Variants in NKAIN3 observed in about 807,000 individuals in gnomAD.
NKAIN3 encodes the protein sodium/potassium transporting ATPase interacting 3.
NKAIN3 carries 25 observed loss-of-function variants against 30.2 expected under a neutral mutation model. That is an observed-to-expected ratio of 0.83 (90% confidence interval 0.60 to 1.16). NKAIN3 has a LOEUF of 1.16. Among genes scored for constraint, NKAIN3 ranks in the 50% most tolerant of loss-of-function variants. NKAIN3 has a pLI of 0.00. For synonymous variants in NKAIN3, 91 were observed against 89.6 expected (o/e 1.02, Z -0.09); for missense variants, 225 against 254.1 (o/e 0.89, Z 0.78).
chr8:62,748,857 T>C (rs1816173656), intron 4 of NKAIN3, among the ~76,000 whole-genome samples: 1 of 152,194 alleles, frequency 6.6e-6, no homozygotes. Flanking sequence ...ATAAATATAA[T>C]ATACAGTCAC....
intron 3 of NKAIN3, among the ~76,000 whole-genome samples, chr8:62,630,481 T>C (rs1481578629): frequency 6.6e-6 from 1 of 152,068 alleles, no homozygotes; most frequent in East Asian, 1.9e-4. Flanking sequence ...AAGCTTTGGT[T>C]CTTAAAGGCT....
intron 3 of NKAIN3, among the ~76,000 whole-genome samples, chr8:62,730,096 C>T (rs1023370494): frequency 1.3e-5 from 2 of 151,930 alleles, no homozygotes; most frequent in African/African-American, 2.4e-5. Context: ...TATAAGGGAC[C>T]GACTTTGTAC....
intron 1 of NKAIN3, among the ~76,000 whole-genome samples, chr8:62,330,508 TTTTAA>T (rs1815308180): frequency 6.6e-6 from 1 of 151,986 alleles, no homozygotes; most frequent in Non-Finnish European, 1.5e-5. Flanking sequence ...CATTTTTGTC[TTTTAA>T]TTTACCCCAC....
intron 4 of NKAIN3, among the ~76,000 whole-genome samples, chr8:62,836,204 A>G (rs1448491592): frequency 3.9e-5 from 6 of 152,016 alleles, no homozygotes; most frequent in Non-Finnish European, 7.4e-5. Context: ...AAGAGCTGAA[A>G]ATCTACCTAT....
At chr8:62,509,086 G>A (rs1807735462) in intron 1 of NKAIN3, among the ~76,000 whole-genome samples, 1 of 152,098 alleles carries the variant, frequency 6.6e-6, no homozygotes, top group Admixed American at 6.6e-5. Flanking sequence ...CCTACAACAA[G>A]TGAAGGACAT....
intron 4 of NKAIN3, among the ~76,000 whole-genome samples, chr8:62,851,252 C>G (rs1263127053): frequency 6.6e-6 from 1 of 152,096 alleles, no homozygotes; most frequent in Non-Finnish European, 1.5e-5. Context: ...ATTTGGCTCT[C>G]TGTTTGTCTG....
At chr8:62,695,185 A>ATTTC (rs1814112397) in intron 3 of NKAIN3, among the ~76,000 whole-genome samples, 1 of 152,170 alleles carries the variant, frequency 6.6e-6, no homozygotes, top group African/African-American at 2.4e-5. Flanking sequence ...TATTACAATT[A>ATTTC]TTTCATGACA....
In NKAIN3 at chr8:62,524,802, A is replaced by C. The variant is rs7834821; in HGVS notation, c.55-54737A>C. 9.4e-4 allele frequency among the ~76,000 whole-genome samples: 143 copies of C among 152,062 alleles called. 2 individuals carry two copies. The highest frequency in any genetic ancestry group is 3.4e-3 in the African/African-American group (139 of 41,464). On this transcript the variant is annotated intron_variant, in intron 1 of 6. Coordinates refer to ENST00000623646, the MANE Select transcript of NKAIN3 (RefSeq NM_001304533.3). Reference sequence around the variant, plus strand: ...CACGTTGGTTACTTGTTTACTTTGTACTCACTACCGAGTACATCTTGACAT... The same window carrying C: ...CACGTTGGTTACTTGTTTACTTTGTCCTCACTACCGAGTACATCTTGACAT...
chr8:62,963,217 C>A (rs907162104), intron 6 of NKAIN3, among the ~76,000 whole-genome samples: 20 of 152,136 alleles, frequency 1.3e-4, no homozygotes, highest in Admixed American at 1.3e-3. Context: ...AAAATTCAAT[C>A]TGTTAATAAA....
intron 3 of NKAIN3, among the ~76,000 whole-genome samples, chr8:62,633,696 G>A (rs558265914): frequency 1.5e-4 from 23 of 152,142 alleles, no homozygotes; most frequent in Non-Finnish European, 2.2e-4. Flanking sequence ...CAGATGCCAC[G>A]CTGTCTGTCA....
intron 1 of NKAIN3, among the ~76,000 whole-genome samples, chr8:62,511,314 C>G (rs1807807046): frequency 6.6e-6 from 1 of 152,128 alleles, no homozygotes; most frequent in African/African-American, 2.4e-5. Context: ...TCTTCATGCT[C>G]ACTTCACTGT....
chr8:62,640,561 T>G lies in NKAIN3; in HGVS notation c.273+50767T>G, dbSNP rs111872506. ...TCATAAAGATTTGTGAACTTTCAGA[T>G]TGAAGACTGAATTTACCATTGTGAA... On this transcript the variant is annotated intron_variant, in intron 3 of 6. Transcript: ENST00000623646. Among the ~76,000 whole-genome samples the G allele has an allele frequency of 6.2e-3, 944 of 152,268 alleles. 9 individuals are homozygous for G. The highest frequency in any genetic ancestry group is 0.021 in the African/African-American group (862 of 41,566).
At chr8:62,939,586 T>G (rs114626847) in intron 5 of NKAIN3, among the ~76,000 whole-genome samples, 1,895 of 152,202 alleles carry the variant, frequency 0.012, 42 homozygotes, top group African/African-American at 0.044. Context: ...TAGAAGGAAG[T>G]GGGGTCCTAT....
chr8:62,278,392 T>C (rs1813038502), intron 1 of NKAIN3, among the ~76,000 whole-genome samples: 1 of 152,056 alleles, frequency 6.6e-6, no homozygotes, highest in South Asian at 2.1e-4. Context: ...GTTTTTTTTT[T>C]TTATACTTTA....
At chr8:62,946,228 G>GC (rs1020679880) in intron 5 of NKAIN3, among the ~76,000 whole-genome samples, 3 of 152,092 alleles carry the variant, frequency 2.0e-5, no homozygotes, top group African/African-American at 7.2e-5. Flanking sequence ...TTTCAGGAAG[G>GC]GGGTAGCACA....
intron 1 of NKAIN3, among the ~76,000 whole-genome samples, chr8:62,304,518 CAG>C (rs949705757): frequency 5.3e-5 from 8 of 149,908 alleles, no homozygotes; most frequent in African/African-American, 1.8e-4. Flanking sequence ...ATGGTCAAAT[CAG>C]GGTATTTAGC....
intron 3 of NKAIN3, among the ~76,000 whole-genome samples, chr8:62,724,990 T>A (rs535466946): frequency 6.6e-6 from 1 of 152,252 alleles, no homozygotes; most frequent in East Asian, 1.9e-4. Flanking sequence ...TAATTTGCAT[T>A]TCCACCAACA....
intron 1 of NKAIN3, among the ~76,000 whole-genome samples, chr8:62,449,091 A>G (rs901993283): frequency 1.3e-5 from 2 of 152,048 alleles, no homozygotes; most frequent in African/African-American, 4.8e-5. Flanking sequence ...AGTGTTTAAA[A>G]TGCACCAGAA....
chr8:62,317,595 G>A (rs1440657535), intron 1 of NKAIN3, among the ~76,000 whole-genome samples: 1 of 152,144 alleles, frequency 6.6e-6, no homozygotes, highest in Non-Finnish European at 1.5e-5. Flanking sequence ...TAGATATGTG[G>A]CATTATTTCT....
Sources: gnomAD v4.1 joint callset for allele counts (sites outside exome capture counted in the v4.1 genomes callset) on GRCh38, gnomAD v4.1.1 for gene constraint, MANE v1.5 for transcripts, NCBI Gene and HGNC (gene_info 2026-07-23, HGNC 2026-07-21) for gene names.